Variants in LCOR observed in about 807,000 individuals in gnomAD.
LCOR encodes ligand dependent nuclear receptor corepressor.
In LCOR, 14 loss-of-function variants were observed where a neutral mutation model predicts 64.4. That is an observed-to-expected ratio of 0.22 (90% confidence interval 0.14 to 0.34). The LOEUF (loss-of-function observed/expected upper bound fraction) is 0.34, where lower values mean the gene tolerates loss of function less well. Ranked by LOEUF, LCOR falls within the 10% of genes least tolerant of loss-of-function variation. The pLI, the probability that LCOR is intolerant of heterozygous loss-of-function variation, is 1.00. For missense variants in LCOR, 1,686 were observed against 1,765.3 expected, an observed-to-expected ratio of 0.96 and a Z score of 0.80; for synonymous variants, 643 against 642.5, an observed-to-expected ratio of 1.00 and a Z score of -0.01.
Position 96,982,475 on chromosome 10 carries a change from C to T in LCOR, c.2015C>T (p.Pro672Leu), listed in dbSNP as rs778214101. 6.2e-7 allele frequency: 1 copy of T among 1,614,210 alleles called. No homozygotes were observed. Among genetic ancestry groups the T allele is most frequent in the Middle Eastern group, 1.6e-4 (1 of 6,062 alleles). ...MSVPQDCHLL[P>L]STESFSGGVS... ...GTACCCCAGGACTGTCACCTCCTTCCCTCCACTGAAAGCTTTTCCGGGGGA... is the reference window on the plus strand; with the variant it reads ...GTACCCCAGGACTGTCACCTCCTTCTCTCCACTGAAAGCTTTTCCGGGGGA... The change falls in exon 8 of 8, where the codon CCC (proline) becomes CTC (leucine). Residue 672 changes from proline (P) to leucine (L), a missense_variant. Pro to Leu is a moderately conservative substitution (Grantham distance 98). Coordinates refer to ENST00000421806, the MANE Select transcript of LCOR (RefSeq NM_001346516.2).
chr10:96,892,523 T>C (rs1185933013), intron 2 of LCOR, among the ~76,000 whole-genome samples: 1 of 152,210 alleles, frequency 6.6e-6, no homozygotes, highest in Non-Finnish European at 1.5e-5. Flanking sequence ...TTTTGCTATG[T>C]TCTCACATGA....
chr10:96,964,811 A>G lies in LCOR; in HGVS notation c.332+12615A>G, dbSNP rs949933849. ...AGTTTTTTATAATTTTCTTAAGAGTATAAAACTTAATGCCGGGATTCCTTG... is the reference window on the plus strand; with the variant it reads ...AGTTTTTTATAATTTTCTTAAGAGTGTAAAACTTAATGCCGGGATTCCTTG... On this transcript the variant is annotated intron_variant, in intron 7 of 7. Transcript: ENST00000421806. Among the ~76,000 whole-genome samples the G allele has an allele frequency of 3.3e-5, 5 of 152,202 alleles. No homozygotes were observed. In the South Asian group the frequency reaches 1.0e-3, roughly 31 times the overall value.
chr10:96,835,316 C>G (rs902728294), intron 2 of LCOR, among the ~76,000 whole-genome samples: 6 of 152,222 alleles, frequency 3.9e-5, no homozygotes, highest in Non-Finnish European at 7.4e-5. Flanking sequence ...GATCAAATTT[C>G]TTAAAGCATA....
At chr10:96,856,265 A>T (rs959263223) in intron 2 of LCOR, among the ~76,000 whole-genome samples, 2 of 151,764 alleles carry the variant, frequency 1.3e-5, no homozygotes, top group Non-Finnish European at 2.9e-5. Flanking sequence ...TAGAGACAGG[A>T]TTTCACCAGG....
chr10:96,837,148 G>A (rs1285083576), intron 2 of LCOR, among the ~76,000 whole-genome samples: 3 of 152,062 alleles, frequency 2.0e-5, no homozygotes, highest in Admixed American at 6.6e-5. Context: ...CCGCCACCAC[G>A]CTCGGCTAAT....
chr10:96,853,216 T>C (rs527623038), intron 2 of LCOR, among the ~76,000 whole-genome samples: 2 of 152,236 alleles, frequency 1.3e-5, no homozygotes, highest in Non-Finnish European at 2.9e-5. Context: ...CATGCACAGC[T>C]AATTTTGTAT....
intron 4 of LCOR, among the ~76,000 whole-genome samples, chr10:96,913,729 C>A (rs1484193439): frequency 6.6e-6 from 1 of 152,076 alleles, no homozygotes; most frequent in Admixed American, 6.6e-5. Context: ...TGAGACCAGC[C>A]TGGCCAACAT....
At chr10:96,913,883 G>A (rs916331611) in intron 4 of LCOR, among the ~76,000 whole-genome samples, 2 of 150,796 alleles carry the variant, frequency 1.3e-5, no homozygotes, top group Non-Finnish European at 2.9e-5. Flanking sequence ...ATGCCTGGGC[G>A]ACACACACAG....
At chr10:96,957,597 T>C (rs1485622802) in intron 7 of LCOR, 1 of 985,202 alleles carries the variant, frequency 1.0e-6, no homozygotes, top group Non-Finnish European at 1.2e-6. Flanking sequence ...AAATTAAAAT[T>C]GGAGGGTTGG....
At chr10:96,899,567 T>G (rs1188243794) in intron 2 of LCOR, among the ~76,000 whole-genome samples, 1 of 152,130 alleles carries the variant, frequency 6.6e-6, no homozygotes, top group African/African-American at 2.4e-5. Context: ...TAACTAATTT[T>G]AACAAACTTT....
chr10:96,883,323 G>T (rs1489491053), intron 2 of LCOR, among the ~76,000 whole-genome samples: 3 of 152,190 alleles, frequency 2.0e-5, no homozygotes, highest in African/African-American at 7.2e-5. Flanking sequence ...ATGAGCCACT[G>T]CCCCAGCCTG....
chr10:96,949,321 C>CT lies in LCOR; in HGVS notation c.238+27dup. The stretch of plus-strand genomic sequence containing the variant: ...GTATGGTTTGATGTCAAGGTCTCCT[C>CT]TATCTTATCAGAATACTTTACTTTG... On this transcript the variant is annotated intron_variant, in intron 6 of 7. Transcript: ENST00000421806. The CT allele has an allele frequency of 5.6e-6, 9 of 1,606,424 alleles. No homozygotes were observed. The Middle Eastern group carries it at 1.3e-3, about 237-fold the overall frequency.
At chr10:96,915,920 C>A in intron 4 of LCOR, 1 of 398,746 alleles carries the variant, frequency 2.5e-6, no homozygotes. Context: ...GCGACGGCGG[C>A]AGGATGTAGG....
intron 1 of LCOR, 169 bp from the exon 2 acceptor site, chr10:96,833,237 G>T (rs953946138): frequency 1.2e-5 from 12 of 976,492 alleles, no homozygotes; most frequent in Admixed American, 1.2e-4. Context: ...CGGAGCCGCA[G>T]CCTCGCCCGA....
At chr10:96,841,362 CTT>C (rs199853768) in intron 2 of LCOR, among the ~76,000 whole-genome samples, 35 of 134,764 alleles carry the variant, frequency 2.6e-4, no homozygotes, top group African/African-American at 5.4e-4. Flanking sequence ...AAAACTTACA[CTT>C]TTTTTTTTTT....
At chr10:96,932,109 A>G (rs1399548482) in intron 4 of LCOR, among the ~76,000 whole-genome samples, 2 of 152,224 alleles carry the variant, frequency 1.3e-5, no homozygotes, top group South Asian at 2.1e-4. Context: ...GATATCTTAA[A>G]GATATAAATA....
At chr10:96,843,372 G>A (rs1845574674) in intron 2 of LCOR, among the ~76,000 whole-genome samples, 1 of 151,798 alleles carries the variant, frequency 6.6e-6, no homozygotes, top group Non-Finnish European at 1.5e-5. Flanking sequence ...GCCTCAAGTG[G>A]TCCTCCTGCC....
At position 96,939,371 on chromosome 10, in the gene LCOR, T is replaced by C. The variant is rs1010125195; in HGVS notation, c.-183-4742T>C. Among the ~76,000 whole-genome samples, 3 of 152,172 alleles carry C rather than the reference T, an allele frequency of 2.0e-5. No individual in the cohort carries two copies. In the South Asian group the frequency reaches 6.2e-4, roughly 31 times the overall value. On this transcript the variant is annotated intron_variant, in intron 4 of 7. Transcript: ENST00000421806. ...ATTAACTTGACATGTATTATAGACC[T>C]AAAAGTACGCCCTAAAAGTATAAAA...
At chr10:96,893,372 T>G (rs1187189048) in intron 2 of LCOR, among the ~76,000 whole-genome samples, 2 of 152,212 alleles carry the variant, frequency 1.3e-5, no homozygotes, top group Non-Finnish European at 2.9e-5. Context: ...ATAATATCTC[T>G]AATATGCTTT....
Sources: gnomAD v4.1 joint callset for allele counts (sites outside exome capture counted in the v4.1 genomes callset) on GRCh38, gnomAD v4.1.1 for gene constraint, MANE v1.5 for transcripts, NCBI Gene and HGNC (gene_info 2026-07-23, HGNC 2026-07-21) for gene names.